EIF4ENIF1: variants seen among roughly 807,000 people sequenced by gnomAD.
EIF4ENIF1 encodes eukaryotic translation initiation factor 4E transporter.
EIF4ENIF1 carries 23 observed loss-of-function variants against 110.5 expected under a neutral mutation model. The observed-to-expected ratio is 0.21, with a 90% CI of 0.15 to 0.29. EIF4ENIF1 has a LOEUF of 0.29. Among genes scored for constraint, EIF4ENIF1 ranks in the 10% least tolerant of loss-of-function variants. EIF4ENIF1 has a pLI of 1.00. For missense variants in EIF4ENIF1, 1,031 were observed against 1,221.1 expected, an observed-to-expected ratio of 0.84 and a Z score of 2.32; for synonymous variants, 440 against 437.0, an observed-to-expected ratio of 1.01 and a Z score of -0.09.
chr22:31,480,209 GC>G (rs1398802174), intron 2 of EIF4ENIF1, among the ~76,000 whole-genome samples: 1 of 152,158 alleles, frequency 6.6e-6, no homozygotes, highest in Non-Finnish European at 1.5e-5. Context: ...AGTTGCAGCA[GC>G]CTTCCTTAAA....
intron 2 of EIF4ENIF1, among the ~76,000 whole-genome samples, chr22:31,472,270 A>ATTT (rs11404399): frequency 0.02 from 2,794 of 142,170 alleles, 84 homozygotes; most frequent in African/African-American, 0.066. Flanking sequence ...TTACAAGGGG[A>ATTT]TTTTTTTTTT....
intron 3 of EIF4ENIF1, among the ~76,000 whole-genome samples, chr22:31,471,396 G>A (rs1022849285): frequency 5.9e-5 from 9 of 151,758 alleles, no homozygotes; most frequent in African/African-American, 2.2e-4. Context: ...CTCACTGCAG[G>A]CTCCGCCTCC....
chr22:31,459,408 T>G (rs944683504), intron 6 of EIF4ENIF1, among the ~76,000 whole-genome samples: 6 of 152,182 alleles, frequency 3.9e-5, no homozygotes, highest in South Asian at 4.1e-4. Context: ...TGAGGGCAAT[T>G]TTCACTTGCC....
intron 14 of EIF4ENIF1, 91 bp from the exon 15 acceptor site, chr22:31,444,781 T>A: frequency 8.4e-7 from 1 of 1,190,962 alleles, no homozygotes; most frequent in Non-Finnish European, 1.2e-6. Flanking sequence ...CTAGAAGTTT[T>A]AACATCCCCT....
At chr22:31,480,886 G>A (rs745743760) in intron 2 of EIF4ENIF1, among the ~76,000 whole-genome samples, 15 of 151,688 alleles carry the variant, frequency 9.9e-5, no homozygotes, top group African/African-American at 2.4e-4. Context: ...CCAACATGGC[G>A]AAATCGTCTC....
At chr22:31,456,350 A>G (rs1464807455) in intron 7 of EIF4ENIF1, among the ~76,000 whole-genome samples, 1 of 150,870 alleles carries the variant, frequency 6.6e-6, no homozygotes, top group Admixed American at 6.6e-5. Flanking sequence ...CAGCCTCCTG[A>G]GTAGCTGGGA....
In EIF4ENIF1 at chr22:31,461,851, A is replaced by G. The variant is rs560616592; in HGVS notation, c.787+1081T>C. 2.0e-5 allele frequency: 3 copies of G among 152,290 alleles called. No individual in the cohort carries two copies. In the East Asian group the frequency reaches 5.8e-4, roughly 29 times the overall value. The allele number at this position is 152,290 out of a possible 1,614,324, so 9.4% of individuals were successfully genotyped here. Reference sequence around the variant, plus strand: ...ATCTTGCTTTACTCTTGACTTCACTACTTATTTCCATGGTGACTACCTTAA... The same window carrying G: ...ATCTTGCTTTACTCTTGACTTCACTGCTTATTTCCATGGTGACTACCTTAA... On this transcript the variant is annotated intron_variant, in intron 6 of 18. Coordinates refer to ENST00000330125, the MANE Select transcript of EIF4ENIF1 (RefSeq NM_019843.4).
At chr22:31,448,553 T>C (rs1386290812) in intron 12 of EIF4ENIF1, among the ~76,000 whole-genome samples, 1 of 152,298 alleles carries the variant, frequency 6.6e-6, no homozygotes, top group South Asian at 2.1e-4. Flanking sequence ...ATAGACACCA[T>C]TGCTCTGAGA....
At chr22:31,437,811 G>C (rs140804910), downstream of EIF4ENIF1, 27 of 152,324 alleles carry the variant, frequency 1.8e-4, no homozygotes, top group Non-Finnish European at 3.8e-4. Context: ...CTGCGTTCCA[G>C]CTTCCACCTG....
chr22:31,471,928 A>C lies in EIF4ENIF1; in HGVS notation c.97-11T>G. 6.3e-7 allele frequency: 1 copy of C among 1,592,950 alleles called. No homozygotes were observed. The highest frequency in any genetic ancestry group is 8.5e-7 in the Non-Finnish European group (1 of 1,172,436). The stretch of plus-strand genomic sequence containing the variant: ...ATCCAAGAGTTCTTCCTAAAAAGAG[A>C]AGTCAAATAGTCATTTTGAATTACA... On this transcript the variant is annotated splice_polypyrimidine_tract_variant and intron_variant, in intron 2 of 18. Coordinates refer to ENST00000330125, the MANE Select transcript of EIF4ENIF1 (RefSeq NM_019843.4).
intron 10 of EIF4ENIF1, 116 bp from the exon 11 acceptor site, chr22:31,450,476 C>G: frequency 1.3e-6 from 1 of 749,714 alleles, no homozygotes; most frequent in South Asian, 1.6e-5. Context: ...CAGAATGATA[C>G]TCAAGTCACA....
At chr22:31,477,624 G>GT (rs1314043584) in intron 2 of EIF4ENIF1, among the ~76,000 whole-genome samples, 13 of 152,322 alleles carry the variant, frequency 8.5e-5, no homozygotes, top group African/African-American at 2.9e-4. Context: ...TCACAGGCCT[G>GT]TAAGAGCAGA....
At position 31,439,462 on chromosome 22, in the gene EIF4ENIF1, C is replaced by G. The variant is rs999269749; in HGVS notation, c.*418G>C. 6.2e-6 allele frequency: 1 copy of G among 161,328 alleles called. No individual in the cohort carries two copies. The highest frequency in any genetic ancestry group is 1.4e-5 in the Non-Finnish European group (1 of 73,284). 10.0% of individuals were successfully genotyped at this position (161,328 alleles called of 1,614,324 possible). A position where few individuals can be genotyped will look rare whatever the true frequency, so the allele number is the denominator to read the frequency against. On this transcript the variant is annotated 3_prime_UTR_variant, in exon 19 of 19. Coordinates refer to ENST00000330125, the MANE Select transcript of EIF4ENIF1 (RefSeq NM_019843.4). ...ATCCAAACTGTTGACACAGGCCTAA[C>G]TAATATCAGCTACTTTTATGTACAG...
intron 14 of EIF4ENIF1, among the ~76,000 whole-genome samples, chr22:31,446,775 TTA>T (rs2050493770): frequency 6.6e-6 from 1 of 152,174 alleles, no homozygotes; most frequent in Non-Finnish European, 1.5e-5. Flanking sequence ...CACATTTGTT[TTA>T]TATAGTTTTG....
At chr22:31,479,220 C>A (rs910391011) in intron 2 of EIF4ENIF1, among the ~76,000 whole-genome samples, 3 of 151,970 alleles carry the variant, frequency 2.0e-5, no homozygotes, top group Non-Finnish European at 2.9e-5. Context: ...GCTCATGCCG[C>A]CATGCCCGGC....
chr22:31,464,699 A>AAAAATATATAT (rs1304121964), intron 4 of EIF4ENIF1, among the ~76,000 whole-genome samples: 2 of 39,112 alleles, frequency 5.1e-5, no homozygotes, highest in Non-Finnish European at 1.0e-4. Flanking sequence ...AAAAAAAAAA[A>AAAAATATATAT]ATATATATAT....
chr22:31,475,760 C>G (rs1460723893), intron 2 of EIF4ENIF1, among the ~76,000 whole-genome samples: 1 of 151,338 alleles, frequency 6.6e-6, no homozygotes. Flanking sequence ...GTGTGGTCCC[C>G]GCTACTCAGG....
At chr22:31,486,036 C>T (rs1205768124) in intron 2 of EIF4ENIF1, among the ~76,000 whole-genome samples, 20 of 139,094 alleles carry the variant, frequency 1.4e-4, no homozygotes, top group Non-Finnish European at 2.4e-4. Flanking sequence ...CACCTGAGGT[C>T]AGGAGTTCGA....
intron 2 of EIF4ENIF1, among the ~76,000 whole-genome samples, chr22:31,477,111 C>T (rs2051604073): frequency 6.6e-6 from 1 of 150,764 alleles, no homozygotes; most frequent in Admixed American, 6.6e-5. Flanking sequence ...TGACAGAAAA[C>T]CTGTCTCAAA....
Sources: gnomAD v4.1 joint callset for allele counts (sites outside exome capture counted in the v4.1 genomes callset) on GRCh38, gnomAD v4.1.1 for gene constraint, MANE v1.5 for transcripts, NCBI Gene and HGNC (gene_info 2026-07-23, HGNC 2026-07-21) for gene names.